SDC2: variants seen among roughly 807,000 people sequenced by gnomAD.
The protein encoded by SDC2 is syndecan 2, also known as syndecan-2.
In SDC2, 13 loss-of-function variants were observed where a neutral mutation model predicts 22.2. The ratio of observed to expected loss-of-function variants is 0.59; its 90% CI spans 0.38 to 0.93. SDC2 has a LOEUF of 0.93. SDC2 is among the 40% of genes least tolerant of loss of function. SDC2 has a pLI of 0.00. For missense variants in SDC2, 235 were observed against 246.8 expected (o/e 0.95, Z 0.32); for synonymous variants, 94 against 92.8 (o/e 1.01, Z -0.07).
At chr8:96,558,474 G>A (rs181816151) in intron 1 of SDC2, among the ~76,000 whole-genome samples, 71 of 152,222 alleles carry the variant, frequency 4.7e-4, no homozygotes, top group East Asian at 3.3e-3. Context: ...GAATTTCACC[G>A]TCTGAGATAG....
At chr8:96,544,701 C>T (rs1433345361) in intron 1 of SDC2, among the ~76,000 whole-genome samples, 4 of 152,168 alleles carry the variant, frequency 2.6e-5, no homozygotes, top group African/African-American at 9.7e-5. Flanking sequence ...CACAGTGCCA[C>T]ATCCCTTGGA....
At chr8:96,506,280 G>A (rs1207491358) in intron 1 of SDC2, among the ~76,000 whole-genome samples, 3 of 152,146 alleles carry the variant, frequency 2.0e-5, no homozygotes, top group Non-Finnish European at 4.4e-5. Flanking sequence ...TGAATGATCT[G>A]TTGATATTTC....
chr8:96,583,520 T>G (rs1364524425), intron 1 of SDC2, among the ~76,000 whole-genome samples: 1 of 151,210 alleles, frequency 6.6e-6, no homozygotes, highest in African/African-American at 2.4e-5. Context: ...TTATCGGTCT[T>G]GTGCTTTCTG....
intron 1 of SDC2, among the ~76,000 whole-genome samples, chr8:96,539,749 A>G (rs536488998): frequency 1.3e-5 from 2 of 152,230 alleles, no homozygotes; most frequent in Admixed American, 6.5e-5. Context: ...TTTTTCATTC[A>G]TTCTGTTTTC....
intron 1 of SDC2, among the ~76,000 whole-genome samples, chr8:96,496,914 CT>C (rs1813085807): frequency 6.6e-6 from 1 of 152,168 alleles, no homozygotes; most frequent in Admixed American, 6.5e-5. Context: ...CAGGTTAGGA[CT>C]TTGGCTGCGG....
chr8:96,583,392 A>ATATG (rs1814626850), intron 1 of SDC2, among the ~76,000 whole-genome samples: 1 of 102,266 alleles, frequency 9.8e-6, no homozygotes, highest in Non-Finnish European at 1.9e-5. Flanking sequence ...TATATGACAT[A>ATATG]TGTGTGTGTG....
At chr8:96,545,023 G>A (rs971033143) in intron 1 of SDC2, among the ~76,000 whole-genome samples, 4 of 152,200 alleles carry the variant, frequency 2.6e-5, no homozygotes, top group Admixed American at 1.3e-4. Context: ...GAAGCTCAGT[G>A]AGTTGGCCCC....
intron 2 of SDC2, 39 bp from the exon 3 acceptor site, chr8:96,602,356 T>C: frequency 3.7e-6 from 6 of 1,605,162 alleles, no homozygotes; most frequent in Non-Finnish European, 5.1e-6. Context: ...ATCTGTGTCA[T>C]GATTGCCATG....
chr8:96,506,387 A>G (rs548013556), intron 1 of SDC2, among the ~76,000 whole-genome samples: 24 of 152,280 alleles, frequency 1.6e-4, no homozygotes, highest in Admixed American at 4.6e-4. Flanking sequence ...GCCTTTGTAT[A>G]TATCATATGT....
intron 2 of SDC2, among the ~76,000 whole-genome samples, chr8:96,598,899 G>A (rs1262159148): frequency 1.3e-5 from 2 of 151,430 alleles, no homozygotes; most frequent in African/African-American, 4.8e-5. Context: ...GATATTAAAA[G>A]CAGCAGAGCC....
Position 96,547,673 on chromosome 8 carries a change from G to A in SDC2, c.61-45807G>A, listed in dbSNP as rs142237806. ...GTAGCTTGTATGCAAAAGCATGAGC[G>A]TCTAGGTTTAAAGGATTCTTTTTGT... is the stretch of plus-strand genomic sequence containing the variant. On this transcript the variant is annotated intron_variant, in intron 1 of 4. Transcript: ENST00000302190. 9.2e-4 allele frequency among the ~76,000 whole-genome samples: 140 copies of A among 152,130 alleles called. 1 individual carries two copies. The highest frequency in any genetic ancestry group is 1.8e-3 in the African/African-American group (73 of 41,516).
chr8:96,548,148 A>G (rs1039662678), intron 1 of SDC2, among the ~76,000 whole-genome samples: 3 of 152,242 alleles, frequency 2.0e-5, no homozygotes, highest in African/African-American at 7.2e-5. Context: ...AATAATAAAC[A>G]TAGTTGAAAT....
chr8:96,527,686 G>A (rs1813600137), intron 1 of SDC2, among the ~76,000 whole-genome samples: 1 of 152,104 alleles, frequency 6.6e-6, no homozygotes, highest in Non-Finnish European at 1.5e-5. Flanking sequence ...AGATGAACTG[G>A]GAATCAACAT....
intron 1 of SDC2, among the ~76,000 whole-genome samples, chr8:96,546,235 A>G (rs890229420): frequency 2.6e-5 from 4 of 152,210 alleles, no homozygotes; most frequent in Non-Finnish European, 1.5e-5. Flanking sequence ...CTTGGAATCT[A>G]TGAACCCTGG....
At chr8:96,572,026 T>C (rs1156434711) in intron 1 of SDC2, among the ~76,000 whole-genome samples, 1 of 152,146 alleles carries the variant, frequency 6.6e-6, no homozygotes, top group African/African-American at 2.4e-5. Context: ...TGGGGTTTGT[T>C]TATCCTTCTG....
intron 1 of SDC2, among the ~76,000 whole-genome samples, chr8:96,588,116 T>C (rs1356282029): frequency 2.0e-5 from 3 of 152,192 alleles, no homozygotes; most frequent in Non-Finnish European, 4.4e-5. Flanking sequence ...TTGTGGGGCA[T>C]GACAGTGCAG....
chr8:96,569,242 C>T (rs1022744317), intron 1 of SDC2, among the ~76,000 whole-genome samples: 6 of 152,212 alleles, frequency 3.9e-5, no homozygotes, highest in Admixed American at 2.6e-4. Context: ...CTCCCGGCCT[C>T]GAGCCATCCT....
intron 1 of SDC2, among the ~76,000 whole-genome samples, chr8:96,566,176 C>T (rs774574012): frequency 6.6e-6 from 1 of 152,156 alleles, no homozygotes; most frequent in Non-Finnish European, 1.5e-5. Context: ...GATTATTATA[C>T]TTGTTGGCTG....
At chr8:96,604,056 C>G (rs935041097) in intron 3 of SDC2, among the ~76,000 whole-genome samples, 1 of 152,188 alleles carries the variant, frequency 6.6e-6, no homozygotes, top group Non-Finnish European at 1.5e-5. Flanking sequence ...ATGCATTTGG[C>G]TCTTACCACA....
Sources: gnomAD v4.1 joint callset for allele counts (sites outside exome capture counted in the v4.1 genomes callset) on GRCh38, gnomAD v4.1.1 for gene constraint, MANE v1.5 for transcripts, NCBI Gene and HGNC (gene_info 2026-07-23, HGNC 2026-07-21) for gene names.